Variants in PPP3CC observed in about 807,000 individuals in gnomAD.
PPP3CC encodes protein phosphatase 3 catalytic subunit gamma.
In PPP3CC, 35 loss-of-function variants were observed where a neutral mutation model predicts 60.3. The ratio of observed to expected loss-of-function variants is 0.58; its 90% CI spans 0.44 to 0.77. PPP3CC has a LOEUF of 0.77. Among genes scored for constraint, PPP3CC ranks in the 30% least tolerant of loss-of-function variants. The pLI is 0.00. For synonymous variants in PPP3CC, 206 were observed against 224.3 expected (o/e 0.92, Z 0.73); for missense variants, 570 against 628.9 (o/e 0.91, Z 1.00).
intron 6 of PPP3CC, among the ~76,000 whole-genome samples, chr8:22,522,256 G>A (rs1839428265): frequency 6.6e-6 from 1 of 151,988 alleles, no homozygotes; most frequent in African/African-American, 2.4e-5. Context: ...TGAGATGGAG[G>A]AGCTCTTTCT....
intron 4 of PPP3CC, 45 bp downstream of exon 4, chr8:22,498,157 C>A: frequency 7.9e-7 from 1 of 1,273,734 alleles, no homozygotes; most frequent in Non-Finnish European, 1.1e-6. Context: ...TACCCTTTAA[C>A]CTGTCCGAAG....
chr8:22,528,625 G>C, intron 10 of PPP3CC, 48 bp downstream of exon 10: 2 of 1,336,518 alleles, frequency 1.5e-6, no homozygotes, highest in Non-Finnish European at 2.0e-6. Flanking sequence ...GTTTGGTTTT[G>C]GTTTTAGTTG....
intron 3 of PPP3CC, among the ~76,000 whole-genome samples, chr8:22,489,038 A>G (rs1255919430): frequency 6.8e-6 from 1 of 147,896 alleles, no homozygotes; most frequent in Non-Finnish European, 1.5e-5. Context: ...TATTGGAGGA[A>G]TTTTTTTTTT....
Position 22,519,029 on chromosome 8 carries a change from C to T in PPP3CC, c.771-3462C>T, listed in dbSNP as rs545808976. On this transcript the variant is annotated intron_variant, in intron 6 of 13. Transcript: ENST00000240139. ...TTACTGTCAATGTTTGCCTTCAGAT[C>T]TGTTGTTGCTTTATATATTTAGGTG... is the stretch of plus-strand genomic sequence containing the variant. Among the ~76,000 whole-genome samples the T allele has an allele frequency of 5.3e-5, 8 of 152,212 alleles. No homozygotes were observed. The East Asian group carries it at 1.5e-3, about 29-fold the overall frequency.
At chr8:22,523,342 T>A (rs1423564310) in intron 8 of PPP3CC, among the ~76,000 whole-genome samples, 1 of 152,200 alleles carries the variant, frequency 6.6e-6, no homozygotes, top group Non-Finnish European at 1.5e-5. Context: ...AAATTTTACT[T>A]CTAAGACTTT....
At chr8:22,519,387 T>TA (rs1327954717) in intron 6 of PPP3CC, among the ~76,000 whole-genome samples, 1 of 152,248 alleles carries the variant, frequency 6.6e-6, no homozygotes, top group African/African-American at 2.4e-5. Flanking sequence ...GGTAAGGACT[T>TA]ACTATTACCA....
intron 6 of PPP3CC, among the ~76,000 whole-genome samples, chr8:22,516,413 G>C (rs1240615563): frequency 2.0e-5 from 3 of 152,128 alleles, no homozygotes; most frequent in African/African-American, 2.4e-5. Flanking sequence ...TCTTTCAAAG[G>C]TATTTGTACA....
intron 3 of PPP3CC, among the ~76,000 whole-genome samples, chr8:22,486,500 T>C (rs990265630): frequency 1.3e-5 from 2 of 152,202 alleles, no homozygotes; most frequent in Non-Finnish European, 2.9e-5. Flanking sequence ...GAAAAGACTA[T>C]TGCAAGGTTG....
chr8:22,488,059 T>C (rs548310043), intron 3 of PPP3CC, among the ~76,000 whole-genome samples: 1 of 152,330 alleles, frequency 6.6e-6, no homozygotes, highest in South Asian at 2.1e-4. Context: ...CATTATACTA[T>C]GGGTGGATTG....
intron 9 of PPP3CC, 24 bp downstream of exon 9, chr8:22,527,541 T>C: frequency 6.2e-7 from 1 of 1,611,002 alleles, no homozygotes; most frequent in Non-Finnish European, 8.5e-7. Context: ...AGCACATGTC[T>C]CATCAGTTGT....
chr8:22,468,085 A>C (rs761781019), intron 1 of PPP3CC, among the ~76,000 whole-genome samples: 1 of 152,150 alleles, frequency 6.6e-6, no homozygotes, highest in African/African-American at 2.4e-5. Flanking sequence ...GAAATGTTGA[A>C]TCAGAAGTTT....
intron 12 of PPP3CC, among the ~76,000 whole-genome samples, chr8:22,536,718 A>T (rs1028676725): frequency 6.6e-6 from 1 of 152,180 alleles, no homozygotes; most frequent in African/African-American, 2.4e-5. Context: ...TTATTTTCAC[A>T]TTGGAGTCTC....
At chr8:22,475,748 A>G in intron 3 of PPP3CC, 124 bp downstream of exon 3, 1 of 936,050 alleles carries the variant, frequency 1.1e-6, no homozygotes, top group South Asian at 2.5e-5. Flanking sequence ...GTTACTTTCA[A>G]AATTAAAGTA....
chr8:22,523,530 A>T, intron 8 of PPP3CC: 1 of 256,524 alleles, frequency 3.9e-6, no homozygotes, highest in Non-Finnish European at 8.2e-6. Context: ...AAACATATCC[A>T]AATGAGTATT....
At chr8:22,451,014 T>A (rs2132430592) in intron 1 of PPP3CC, among the ~76,000 whole-genome samples, 1 of 150,382 alleles carries the variant, frequency 6.6e-6, no homozygotes, top group East Asian at 2.0e-4. Context: ...TTTCTTTTTT[T>A]TTTTTTAATA....
intron 3 of PPP3CC, among the ~76,000 whole-genome samples, chr8:22,487,086 G>C (rs1214942126): frequency 6.6e-6 from 1 of 152,098 alleles, no homozygotes; most frequent in Non-Finnish European, 1.5e-5. Context: ...AATTGGATTT[G>C]ATATCACTTG....
intron 1 of PPP3CC, among the ~76,000 whole-genome samples, chr8:22,471,367 C>A (rs1014772205): frequency 1.3e-5 from 2 of 148,326 alleles, no homozygotes; most frequent in African/African-American, 2.5e-5. Context: ...TAAGGTAATA[C>A]AGTCATGCAT....
At chr8:22,515,828 TATTGA>T (rs1839228167) in intron 6 of PPP3CC, among the ~76,000 whole-genome samples, 1 of 152,218 alleles carries the variant, frequency 6.6e-6, no homozygotes, top group African/African-American at 2.4e-5. Flanking sequence ...GGATTTTTCC[TATTGA>T]ATTGTTTGAG....
chr8:22,503,657 A>G (rs1229300126), intron 4 of PPP3CC, among the ~76,000 whole-genome samples: 2 of 152,218 alleles, frequency 1.3e-5, no homozygotes, highest in Admixed American at 6.5e-5. Context: ...TTTTTAGAAG[A>G]TGGAACAATA....
Sources: gnomAD v4.1 joint callset for allele counts (sites outside exome capture counted in the v4.1 genomes callset) on GRCh38, gnomAD v4.1.1 for gene constraint, MANE v1.5 for transcripts, NCBI Gene and HGNC (gene_info 2026-07-23, HGNC 2026-07-21) for gene names.